ROBO2: variants seen among roughly 807,000 people sequenced by gnomAD.
ROBO2 encodes the protein roundabout guidance receptor 2.
In ROBO2, 53 loss-of-function variants were observed where a neutral mutation model predicts 160.8. That is an observed-to-expected ratio of 0.33 (90% confidence interval 0.26 to 0.41). The LOEUF (loss-of-function observed/expected upper bound fraction) is 0.41, where lower values mean the gene tolerates loss of function less well. Among genes scored for constraint, ROBO2 ranks in the 10% least tolerant of loss-of-function variants. ROBO2 has a pLI of 1.00. For synonymous variants in ROBO2, 664 were observed against 611.7 expected (o/e 1.09, Z -1.26); for missense variants, 1,577 against 1,722.4 (o/e 0.92, Z 1.49).
At chr3:76,808,999 C>A (rs190593143) in intron 2 of ROBO2, among the ~76,000 whole-genome samples, 1 of 152,152 alleles carries the variant, frequency 6.6e-6, no homozygotes, top group East Asian at 1.9e-4. Context: ...AGATCGTCTA[C>A]GCATCAGAAT....
At chr3:76,271,761 T>C (rs1559704153) in intron 2 of ROBO2, among the ~76,000 whole-genome samples, 2 of 151,754 alleles carry the variant, frequency 1.3e-5, no homozygotes, top group Non-Finnish European at 2.9e-5. Flanking sequence ...TTCTCTCCTC[T>C]CCTCACAAAC....
intron 2 of ROBO2, among the ~76,000 whole-genome samples, chr3:76,179,264 C>T (rs1374852777): frequency 3.9e-5 from 6 of 152,080 alleles, no homozygotes; most frequent in African/African-American, 1.4e-4. Context: ...ATGGGGCCTC[C>T]AGTCTAATTA....
At chr3:76,079,003 A>T (rs949808995) in intron 2 of ROBO2, among the ~76,000 whole-genome samples, 1 of 152,182 alleles carries the variant, frequency 6.6e-6, no homozygotes, top group African/African-American at 2.4e-5. Context: ...GATGTTGAGC[A>T]CATGGACGGA....
intron 2 of ROBO2, among the ~76,000 whole-genome samples, chr3:77,462,581 G>T (rs2082353988): frequency 6.6e-6 from 1 of 152,144 alleles, no homozygotes; most frequent in African/African-American, 2.4e-5. Flanking sequence ...TCTTTGTGTT[G>T]AATCCAGTTG....
At chr3:76,272,832 T>TATATATATTTATATTAAA (rs1553693025) in intron 2 of ROBO2, among the ~76,000 whole-genome samples, 3 of 38,284 alleles carry the variant, frequency 7.8e-5, no homozygotes, top group Admixed American at 4.8e-4. Flanking sequence ...ATATATAAAA[T>TATATATATTTATATTAAA]ATATATATTA....
chr3:76,438,204 T>C (rs989094245), intron 2 of ROBO2, among the ~76,000 whole-genome samples: 2 of 152,122 alleles, frequency 1.3e-5, no homozygotes, highest in African/African-American at 2.4e-5. Context: ...AGCCTATCAA[T>C]TGAAAGTTGT....
intron 2 of ROBO2, among the ~76,000 whole-genome samples, chr3:77,292,585 C>G (rs1293226542): frequency 1.3e-5 from 2 of 148,770 alleles, no homozygotes; most frequent in Non-Finnish European, 3.0e-5. Flanking sequence ...AATGGGTAAG[C>G]TGAGGCCAGA....
chr3:77,488,621 G>A (rs1260954279), intron 4 of ROBO2, among the ~76,000 whole-genome samples: 3 of 152,136 alleles, frequency 2.0e-5, no homozygotes, highest in Non-Finnish European at 4.4e-5. Flanking sequence ...GTATTGGATG[G>A]TTTTATTATC....
At chr3:76,408,290 G>A (rs1476611115) in intron 2 of ROBO2, among the ~76,000 whole-genome samples, 1 of 152,046 alleles carries the variant, frequency 6.6e-6, no homozygotes, top group East Asian at 1.9e-4. Context: ...GGGTAACAGT[G>A]CAGAGGCAGT....
rs552885216 is a variant in ROBO2, at chr3:76,734,929, A to G, written c.110-363085A>G. ...TTTCAAGCAGCCAAAGCTATTTGAC[A>G]TAAGTAGTAATGCAAATAAAAATTC... On this transcript the variant is annotated intron_variant, in intron 2 of 26. Coordinates refer to the ROBO2 transcript ENST00000487694. Among the ~76,000 whole-genome samples the G allele has an allele frequency of 1.1e-4, 16 of 152,348 alleles. No homozygotes were observed. The South Asian group carries it at 2.3e-3, about 22-fold the overall frequency.
chr3:75,907,483 C>A (rs919234183), intron 1 of ROBO2, among the ~76,000 whole-genome samples: 2 of 152,120 alleles, frequency 1.3e-5, no homozygotes, highest in Non-Finnish European at 2.9e-5. Context: ...TTGCTCTGCA[C>A]CCTCCATAAG....
intron 2 of ROBO2, among the ~76,000 whole-genome samples, chr3:76,302,104 T>G (rs966159177): frequency 6.6e-6 from 1 of 152,080 alleles, no homozygotes; most frequent in Admixed American, 6.6e-5. Context: ...GTGTCCACTT[T>G]TTGTCTGTGA....
intron 2 of ROBO2, among the ~76,000 whole-genome samples, chr3:76,989,352 T>A (rs1165269535): frequency 2.0e-5 from 3 of 152,144 alleles, no homozygotes; most frequent in African/African-American, 4.8e-5. Flanking sequence ...ACATTTTGAA[T>A]CTGTGCAGGC....
intron 4 of ROBO2, among the ~76,000 whole-genome samples, chr3:77,487,770 G>A (rs1452913039): frequency 6.6e-6 from 1 of 152,066 alleles, no homozygotes; most frequent in Non-Finnish European, 1.5e-5. Flanking sequence ...CATAGCTTTG[G>A]TCTTACAGGA....
At chr3:76,337,106 A>G (rs776157814) in intron 2 of ROBO2, among the ~76,000 whole-genome samples, 4 of 152,148 alleles carry the variant, frequency 2.6e-5, no homozygotes, top group Admixed American at 6.5e-5. Flanking sequence ...TTTTCCTTCT[A>G]GTGGGATCCT....
chr3:76,701,538 G>A (rs2093044072), intron 2 of ROBO2, among the ~76,000 whole-genome samples: 1 of 151,958 alleles, frequency 6.6e-6, no homozygotes, highest in African/African-American at 2.4e-5. Context: ...TTGATTCATT[G>A]AATCCAGCCT....
Position 76,592,418 on chromosome 3 carries a change from A to G in ROBO2, c.110-505596A>G, listed in dbSNP as rs537957381. 2.1e-4 allele frequency among the ~76,000 whole-genome samples: 32 copies of G among 152,234 alleles called. No homozygotes were observed. In the South Asian group the frequency reaches 6.4e-3, roughly 31 times the overall value. ...AAAAACAACGTCAAAATAAATTAAA[A>G]TATTTCATCCATACATATTTGCTAT... On this transcript the variant is annotated intron_variant, in intron 2 of 26. Coordinates refer to the ROBO2 transcript ENST00000487694.
chr3:77,286,001 T>G (rs2153379168), intron 2 of ROBO2, among the ~76,000 whole-genome samples: 1 of 152,238 alleles, frequency 6.6e-6, no homozygotes, highest in East Asian at 1.9e-4. Context: ...TACCCTAACC[T>G]TTAGGAAACC....
At chr3:77,374,224 A>G (rs2072297695) in intron 2 of ROBO2, among the ~76,000 whole-genome samples, 1 of 151,030 alleles carries the variant, frequency 6.6e-6, no homozygotes, top group Non-Finnish European at 1.5e-5. Flanking sequence ...AGAAAAAAAC[A>G]AACTACAACC....
Sources: allele counts gnomAD v4.1 joint callset (sites outside exome capture counted in the v4.1 genomes callset), GRCh38; gene constraint gnomAD v4.1.1; transcripts MANE v1.5; gene names NCBI Gene and HGNC (gene_info 2026-07-23, HGNC 2026-07-21).